Variants in KIAA1217 observed in about 807,000 individuals in gnomAD.
KIAA1217 encodes sickle tail protein homolog.
KIAA1217 carries 88 observed loss-of-function variants against 163.9 expected under a neutral mutation model. That is an observed-to-expected ratio of 0.54 (90% CI 0.45 to 0.64). The LOEUF (loss-of-function observed/expected upper bound fraction) is 0.64. Ranked by LOEUF, KIAA1217 falls within the 30% of genes least tolerant of loss-of-function variation. The pLI is 0.00. For missense variants in KIAA1217, 2,372 were observed against 2,475.0 expected, an observed-to-expected ratio of 0.96 and a Z score of 0.88; for synonymous variants, 903 against 923.1, an observed-to-expected ratio of 0.98 and a Z score of 0.39.
At chr10:24,419,877 A>G (rs1324717708) in intron 3 of KIAA1217, among the ~76,000 whole-genome samples, 48 of 152,086 alleles carry the variant, frequency 3.2e-4, no homozygotes, top group Admixed American at 3.1e-3. Flanking sequence ...GTATCCTTTT[A>G]TAAGTTTCGG....
At chr10:24,157,261 T>A (rs555603279) in intron 2 of KIAA1217, among the ~76,000 whole-genome samples, 1 of 152,212 alleles carries the variant, frequency 6.6e-6, no homozygotes, top group Non-Finnish European at 1.5e-5. Flanking sequence ...TTGTTGAATA[T>A]TTTTTGTGTG....
chr10:23,807,246 A>T (rs1327916529), intron 1 of KIAA1217, among the ~76,000 whole-genome samples: 1 of 152,242 alleles, frequency 6.6e-6, no homozygotes, highest in Non-Finnish European at 1.5e-5. Context: ...TGTTTAGTGG[A>T]TTAGTGACCT....
intron 8 of KIAA1217, 52 bp downstream of exon 8, chr10:24,495,248 G>T: frequency 1.4e-6 from 2 of 1,430,760 alleles, no homozygotes; most frequent in South Asian, 1.2e-5. Context: ...CCTGGGATGA[G>T]CCCTGGCTGG....
chr10:24,161,686 A>G (rs560813136), intron 2 of KIAA1217, among the ~76,000 whole-genome samples: 9 of 152,366 alleles, frequency 5.9e-5, no homozygotes, highest in African/African-American at 2.2e-4. Flanking sequence ...CGCTGTTACC[A>G]TTATTCAACC....
At chr10:24,411,566 A>G (rs2057773481) in intron 3 of KIAA1217, among the ~76,000 whole-genome samples, 2 of 152,278 alleles carry the variant, frequency 1.3e-5, no homozygotes, top group Admixed American at 6.5e-5. Context: ...ACATATTAAC[A>G]TTACTCTCTG....
chr10:24,260,124 A>G lies in KIAA1217; in HGVS notation c.354+40215A>G, dbSNP rs553268049. On this transcript the variant is annotated intron_variant, in intron 2 of 20. Transcript: ENST00000376454. ...TGGGAGGGCCTAAATTAGGAAGGAA[A>G]GATTATTTAAATCAAAGCACTCTCA... Among the ~76,000 whole-genome samples, 138 of 152,286 alleles carry G rather than the reference A, an allele frequency of 9.1e-4. 1 individual carries two copies. The highest frequency in any genetic ancestry group is 3.1e-3 in the African/African-American group (130 of 41,566).
chr10:23,760,820 G>A (rs1007630174), intron 1 of KIAA1217, among the ~76,000 whole-genome samples: 1 of 152,052 alleles, frequency 6.6e-6, no homozygotes, highest in Non-Finnish European at 1.5e-5. Flanking sequence ...ATCAGCATAC[G>A]TTTATGTTGA....
chr10:24,280,201 G>C (rs16924464), intron 2 of KIAA1217, among the ~76,000 whole-genome samples: 3,205 of 152,246 alleles, frequency 0.021, 48 homozygotes, highest in East Asian at 0.096. Context: ...AATATCTGCA[G>C]TTTCATGTCA....
In KIAA1217 at chr10:24,279,246, T is replaced by G. The variant is rs896208750; in HGVS notation, c.354+59337T>G. 1.6e-3 allele frequency among the ~76,000 whole-genome samples: 206 copies of G among 131,088 alleles called. 2 individuals carry two copies. The highest frequency in any genetic ancestry group is 5.4e-3 in the African/African-American group (182 of 33,412). 86.0% of individuals were successfully genotyped at this position (131,088 alleles called of 152,430 possible). A position where few individuals can be genotyped will look rare whatever the true frequency, so the allele number is the denominator to read the frequency against. ...TGCATTTCTAGTGTCTGTTTTTTTT[T>G]TTGTTGGTGGTGGTGGTGTTTTTGT... On this transcript the variant is annotated intron_variant, in intron 2 of 20. Transcript: ENST00000376454.
intron 2 of KIAA1217, among the ~76,000 whole-genome samples, chr10:24,225,027 G>A (rs890636692): frequency 2.6e-5 from 4 of 152,028 alleles, no homozygotes; most frequent in Admixed American, 6.5e-5. Context: ...GGGGTTCACT[G>A]TGTTAGCCAG....
chr10:24,048,150 A>C (rs1259986540), intron 2 of KIAA1217, among the ~76,000 whole-genome samples: 1 of 152,206 alleles, frequency 6.6e-6, no homozygotes, highest in Non-Finnish European at 1.5e-5. Context: ...ACTTATGCTC[A>C]CAGTTATTAA....
chr10:23,711,846 A>AT (rs1015576556), intron 1 of KIAA1217, among the ~76,000 whole-genome samples: 1 of 152,198 alleles, frequency 6.6e-6, no homozygotes, highest in African/African-American at 2.4e-5. Context: ...AACTCCAGGA[A>AT]TTAGAGGCTC....
intron 2 of KIAA1217, among the ~76,000 whole-genome samples, chr10:24,073,294 G>T (rs905742457): frequency 6.6e-6 from 1 of 152,168 alleles, no homozygotes; most frequent in Middle Eastern, 3.4e-3. Context: ...TTCCTGGGCG[G>T]CTGGGGCAGG....
At chr10:23,890,653 A>T (rs948647315) in intron 1 of KIAA1217, among the ~76,000 whole-genome samples, 2 of 151,974 alleles carry the variant, frequency 1.3e-5, no homozygotes, top group Admixed American at 6.6e-5. Flanking sequence ...TGAATGCATT[A>T]TACACTTTGG....
chr10:24,385,881 A>C (rs575806590), intron 3 of KIAA1217, among the ~76,000 whole-genome samples: 1 of 152,316 alleles, frequency 6.6e-6, no homozygotes, highest in African/African-American at 2.4e-5. Context: ...CTGGAGTCTT[A>C]ATGATGGAGT....
chr10:24,324,056 C>T (rs1270669753), intron 2 of KIAA1217, among the ~76,000 whole-genome samples: 2 of 151,818 alleles, frequency 1.3e-5, no homozygotes, highest in Non-Finnish European at 2.9e-5. Context: ...TGCTTGAGGT[C>T]ATGAGTTTGA....
intron 1 of KIAA1217, among the ~76,000 whole-genome samples, chr10:23,699,104 G>A (rs182799166): frequency 5.3e-5 from 8 of 152,230 alleles, no homozygotes; most frequent in Admixed American, 1.3e-4. Flanking sequence ...CTCTGAGAGC[G>A]GTCTCCCATG....
At chr10:24,164,632 T>C (rs1026583183) in intron 2 of KIAA1217, among the ~76,000 whole-genome samples, 1 of 152,166 alleles carries the variant, frequency 6.6e-6, no homozygotes, top group Non-Finnish European at 1.5e-5. Flanking sequence ...ACTTAGATAG[T>C]AGTGGAAAAG....
intron 1 of KIAA1217, among the ~76,000 whole-genome samples, chr10:23,967,375 CAGAA>C (rs1326819725): frequency 2.0e-5 from 3 of 151,944 alleles, no homozygotes; most frequent in Admixed American, 2.0e-4. Flanking sequence ...AAACAAATAA[CAGAA>C]GGAGACATAT....
Sources: gnomAD v4.1 joint callset for allele counts (sites outside exome capture counted in the v4.1 genomes callset) on GRCh38, gnomAD v4.1.1 for gene constraint, MANE v1.5 for transcripts, NCBI Gene and HGNC (gene_info 2026-07-23, HGNC 2026-07-21) for gene names.